The following SH3RF3 variants were observed in gnomAD, a reference collection of about 807,000 sequenced individuals.
SH3RF3 encodes the protein E3 ubiquitin-protein ligase SH3RF3.
In SH3RF3, 29 loss-of-function variants were observed where a neutral mutation model predicts 66.3. The observed-to-expected ratio is 0.44, with a 90% CI of 0.33 to 0.60. SH3RF3 has a LOEUF of 0.60. SH3RF3 is among the 20% of genes least tolerant of loss of function. The probability of loss-of-function intolerance (pLI) is 0.04; values close to 1 mark genes in which losing one functional copy is unlikely to be tolerated. For synonymous variants in SH3RF3, 583 were observed against 532.0 expected, an observed-to-expected ratio of 1.10 and a Z score of -1.32; for missense variants, 1,194 against 1,190.9, an observed-to-expected ratio of 1.00 and a Z score of -0.04.
chr2:109,241,946 T>C (rs1336074801), intron 1 of SH3RF3, among the ~76,000 whole-genome samples: 6 of 151,816 alleles, frequency 4.0e-5, no homozygotes, highest in Non-Finnish European at 5.9e-5. Context: ...GACACGATGT[T>C]CCCCAGAGTG....
rs541736138 is a variant in SH3RF3, at chr2:109,415,461, G to A, written c.1300-4078G>A. Among the ~76,000 whole-genome samples, 227 of 152,276 alleles carry A rather than the reference G, an allele frequency of 1.5e-3. 2 individuals are homozygous for A. The highest frequency in any genetic ancestry group is 5.3e-3 in the African/African-American group (221 of 41,552). On this transcript the variant is annotated intron_variant, in intron 4 of 9. Coordinates refer to ENST00000309415, the MANE Select transcript of SH3RF3 (RefSeq NM_001099289.3). ...TGCACAGGGCGAGTGCTACCATCAC[G>A]GGTGCTACAGTCGCGGCTGCTATTC... is the stretch of plus-strand genomic sequence containing the variant.
At chr2:109,286,424 T>G (rs900663208) in intron 1 of SH3RF3, among the ~76,000 whole-genome samples, 1 of 152,162 alleles carries the variant, frequency 6.6e-6, no homozygotes, top group Non-Finnish European at 1.5e-5. Flanking sequence ...GCAAAGGGCA[T>G]GGGGCTCAGG....
At chr2:109,226,621 T>C (rs991481749) in intron 1 of SH3RF3, among the ~76,000 whole-genome samples, 13 of 152,206 alleles carry the variant, frequency 8.5e-5, no homozygotes, top group African/African-American at 3.1e-4. Context: ...CGCTCCCCTT[T>C]CCTGAGTGTT....
intron 1 of SH3RF3, among the ~76,000 whole-genome samples, chr2:109,248,862 C>A (rs1346815180): frequency 6.9e-6 from 1 of 145,922 alleles, no homozygotes; most frequent in Non-Finnish European, 1.5e-5. Flanking sequence ...TTTTTCCTTT[C>A]CTTTTTCCTT....
In SH3RF3 at chr2:109,479,931, C is replaced by T. The variant is rs117929455; in HGVS notation, c.2149-10674C>T. Among the ~76,000 whole-genome samples the T allele has an allele frequency of 1.8e-3, 267 of 152,210 alleles. 2 individuals carry two copies. The East Asian group carries it at 0.045, about 26-fold the overall frequency. On this transcript the variant is annotated intron_variant, in intron 8 of 9. Coordinates refer to ENST00000309415, the MANE Select transcript of SH3RF3 (RefSeq NM_001099289.3). ...CTGGAGCTCTTGCTCCAGCCCAGCC[C>T]GGTTTTGCTGACAGCCCCTCTGCAG...
chr2:109,359,864 AG>A lies in SH3RF3; in HGVS notation c.850-11719del, dbSNP rs1156591909. On this transcript the variant is annotated intron_variant, in intron 2 of 9. Transcript: ENST00000309415. ...TTCCCCCATGCAAGCACAACCATAA[AG>A]GGTCATAAAATGGCACATGTGTAGG... Among the ~76,000 whole-genome samples the A allele has an allele frequency of 2.6e-5, 4 of 152,176 alleles. No individual in the cohort carries two copies. In the East Asian group the frequency reaches 7.7e-4, roughly 29 times the overall value.
chr2:109,199,612 T>TCAACCCGAGTGCA (rs1574499835), intron 1 of SH3RF3, among the ~76,000 whole-genome samples: 2 of 336 alleles, frequency 6.0e-3, no homozygotes, highest in African/African-American at 8.8e-3. Flanking sequence ...TGGAATGGAA[T>TCAACCCGAGTGCA]GGAATGGAAT....
intron 8 of SH3RF3, among the ~76,000 whole-genome samples, chr2:109,450,708 A>C (rs962431176): frequency 3.9e-5 from 6 of 152,168 alleles, no homozygotes; most frequent in African/African-American, 1.4e-4. Flanking sequence ...AAATCCAATA[A>C]GCAATTCTCC....
chr2:109,271,948 T>G (rs1680637412), intron 1 of SH3RF3, among the ~76,000 whole-genome samples: 1 of 152,238 alleles, frequency 6.6e-6, no homozygotes, highest in Non-Finnish European at 1.5e-5. Flanking sequence ...TTGTGTGTGT[T>G]CTTTCAACAT....
chr2:109,456,008 G>T (rs1678044931), intron 8 of SH3RF3, among the ~76,000 whole-genome samples: 1 of 152,222 alleles, frequency 6.6e-6, no homozygotes, highest in Non-Finnish European at 1.5e-5. Flanking sequence ...CTGCCCTGCA[G>T]CCTGCTCACG....
chr2:109,197,631 T>G (rs1048575094), intron 1 of SH3RF3, among the ~76,000 whole-genome samples: 7 of 152,164 alleles, frequency 4.6e-5, no homozygotes, highest in African/African-American at 1.4e-4. Flanking sequence ...GTTTTGAGAT[T>G]CTTGGATATT....
chr2:109,343,829 C>G (rs543499989), intron 1 of SH3RF3, among the ~76,000 whole-genome samples: 5 of 151,932 alleles, frequency 3.3e-5, no homozygotes, highest in South Asian at 2.1e-4. Flanking sequence ...ACTGCAGCCT[C>G]GAACTCCCAG....
intron 1 of SH3RF3, among the ~76,000 whole-genome samples, chr2:109,201,594 A>T (rs1451745797): frequency 1.3e-5 from 2 of 152,042 alleles, no homozygotes; most frequent in East Asian, 3.9e-4. Flanking sequence ...TGAAAGTGTG[A>T]TCTGGGACCA....
intron 2 of SH3RF3, among the ~76,000 whole-genome samples, chr2:109,352,352 T>TG (rs1445112059): frequency 2.0e-5 from 3 of 152,228 alleles, no homozygotes; most frequent in Non-Finnish European, 4.4e-5. Context: ...AGGACTGGTC[T>TG]GCTATGCTTT....
At chr2:109,480,767 C>T (rs1404677444) in intron 8 of SH3RF3, among the ~76,000 whole-genome samples, 1 of 152,176 alleles carries the variant, frequency 6.6e-6, no homozygotes, top group Non-Finnish European at 1.5e-5. Context: ...CACCTGGCTG[C>T]TTGCCTGGGC....
At chr2:109,398,367 C>T (rs1242248066) in intron 3 of SH3RF3, among the ~76,000 whole-genome samples, 2 of 152,262 alleles carry the variant, frequency 1.3e-5, no homozygotes, top group African/African-American at 2.4e-5. Flanking sequence ...CTCTATGAGT[C>T]CCCTCTCTCC....
At chr2:109,172,172 A>G (rs1677799665) in intron 1 of SH3RF3, among the ~76,000 whole-genome samples, 1 of 152,192 alleles carries the variant, frequency 6.6e-6, no homozygotes, top group Non-Finnish European at 1.5e-5. Context: ...TATGCCGATG[A>G]GTGAGCTGTG....
At chr2:109,454,061 C>T (rs148074228) in intron 8 of SH3RF3, among the ~76,000 whole-genome samples, 2 of 152,220 alleles carry the variant, frequency 1.3e-5, no homozygotes, top group African/African-American at 2.4e-5. Context: ...TAAATACTAT[C>T]GTATAATAAT....
intron 7 of SH3RF3, among the ~76,000 whole-genome samples, chr2:109,448,362 C>T (rs1363483502): frequency 2.0e-5 from 3 of 152,206 alleles, no homozygotes; most frequent in Non-Finnish European, 2.9e-5. Context: ...AGACCAATTC[C>T]GGTCCATGGT....
Sources: allele counts gnomAD v4.1 joint callset (sites outside exome capture counted in the v4.1 genomes callset), GRCh38; gene constraint gnomAD v4.1.1; transcripts MANE v1.5; gene names NCBI Gene and HGNC (gene_info 2026-07-23, HGNC 2026-07-21).